ATP8A1: variants seen among roughly 807,000 people sequenced by gnomAD.
ATP8A1 encodes the protein phospholipid-transporting ATPase IA.
In ATP8A1, 90 loss-of-function variants were observed where a neutral mutation model predicts 177.7. The observed-to-expected ratio is 0.51, with a 90% confidence interval of 0.43 to 0.60. The LOEUF (loss-of-function observed/expected upper bound fraction) is 0.60. Ranked by LOEUF, ATP8A1 falls within the 20% of genes least tolerant of loss-of-function variation. ATP8A1 has a pLI of 0.00. For missense variants in ATP8A1, 1,072 were observed against 1,392.8 expected, an observed-to-expected ratio of 0.77 and a Z score of 3.67; for synonymous variants, 493 against 485.9, an observed-to-expected ratio of 1.01 and a Z score of -0.19.
chr4:42,537,156 CA>C (rs1474796204), intron 20 of ATP8A1, among the ~76,000 whole-genome samples: 1 of 149,042 alleles, frequency 6.7e-6, no homozygotes. Context: ...ACAAAAAAAC[CA>C]AAAAAACCCC....
chr4:42,601,280 C>T (rs1248909303), intron 5 of ATP8A1, among the ~76,000 whole-genome samples: 1 of 151,730 alleles, frequency 6.6e-6, no homozygotes, highest in Non-Finnish European at 1.5e-5. Context: ...AAGTGATCTG[C>T]CTGCCTCAGC....
At chr4:42,615,792 A>C (rs531807024) in intron 5 of ATP8A1, among the ~76,000 whole-genome samples, 44 of 152,222 alleles carry the variant, frequency 2.9e-4, no homozygotes, top group Non-Finnish European at 5.6e-4. Flanking sequence ...TTGAGAGACT[A>C]TTGCTATGAA....
chr4:42,485,582 C>G lies in ATP8A1; in HGVS notation c.2238G>C (p.Gly746=), dbSNP rs1376743645. 1.9e-6 allele frequency: 3 copies of G among 1,613,466 alleles called. No individual in the cohort carries two copies. In the Admixed American group the frequency reaches 5.0e-5, roughly 27 times the overall value. ...KENDFALIID[G]KTLKYALTFG... ...AGGTTAAGGCATATTTGAGGGTTTT[C>G]CCATCAATTATAAGAGCAAAATCAT... Residue 746 remains glycine, a synonymous_variant, in exon 25 of 37, where the codon GGG becomes GGC. Transcript: ENST00000381668.
intron 15 of ATP8A1, among the ~76,000 whole-genome samples, chr4:42,566,641 TA>T: frequency 6.6e-6 from 1 of 152,314 alleles, no homozygotes; most frequent in African/African-American, 2.4e-5. Flanking sequence ...TGAAAAATAT[TA>T]AATGAAAAAG....
intron 6 of ATP8A1, among the ~76,000 whole-genome samples, chr4:42,598,910 CTT>C (rs889163752): frequency 6.6e-6 from 1 of 152,102 alleles, no homozygotes; most frequent in African/African-American, 2.4e-5. Flanking sequence ...GGCTGGATGA[CTT>C]TTGGCAACAC....
chr4:42,641,953 T>C (rs1740035594), intron 1 of ATP8A1, among the ~76,000 whole-genome samples: 1 of 152,098 alleles, frequency 6.6e-6, no homozygotes, highest in Non-Finnish European at 1.5e-5. Context: ...CTTATCTCCA[T>C]TGTGACTTTG....
At chr4:42,433,766 T>G (rs1403374238) in intron 33 of ATP8A1, among the ~76,000 whole-genome samples, 3 of 151,838 alleles carry the variant, frequency 2.0e-5, no homozygotes, top group Non-Finnish European at 4.4e-5. Context: ...AAAGGGGTTA[T>G]CATCTCGTGG....
intron 27 of ATP8A1, among the ~76,000 whole-genome samples, chr4:42,461,928 G>T (rs1719206642): frequency 6.6e-6 from 1 of 152,136 alleles, no homozygotes; most frequent in Non-Finnish European, 1.5e-5. Flanking sequence ...GGCGACTCTT[G>T]GTATGTTTTA....
chr4:42,589,077 T>C (rs1228729547), intron 7 of ATP8A1, among the ~76,000 whole-genome samples: 1 of 152,148 alleles, frequency 6.6e-6, no homozygotes, highest in African/African-American at 2.4e-5. Flanking sequence ...AAATCTGGTG[T>C]GTGGCGGCTG....
chr4:42,459,558 G>A, intron 27 of ATP8A1: 1 of 323,192 alleles, frequency 3.1e-6, no homozygotes, highest in Non-Finnish European at 6.1e-6. Flanking sequence ...CATATAAATA[G>A]AAAAGCTAGA....
chr4:42,428,709 T>G (rs1714909464), intron 33 of ATP8A1, among the ~76,000 whole-genome samples: 1 of 152,160 alleles, frequency 6.6e-6, no homozygotes, highest in Non-Finnish European at 1.5e-5. Context: ...ACAAAATCTT[T>G]AATACAATTT....
chr4:42,589,232 C>G (rs1235306031), intron 7 of ATP8A1, among the ~76,000 whole-genome samples: 1 of 152,118 alleles, frequency 6.6e-6, no homozygotes, highest in Non-Finnish European at 1.5e-5. Flanking sequence ...ATCCTTAATT[C>G]TAAAGAAAAG....
chr4:42,458,826 T>A (rs1469223425), intron 27 of ATP8A1, among the ~76,000 whole-genome samples: 1 of 152,210 alleles, frequency 6.6e-6, no homozygotes, highest in Non-Finnish European at 1.5e-5. Context: ...TTCACATTCA[T>A]TTTCCTGATG....
At chr4:42,511,900 T>G (rs913119786) in intron 22 of ATP8A1, among the ~76,000 whole-genome samples, 3 of 152,160 alleles carry the variant, frequency 2.0e-5, no homozygotes, top group Non-Finnish European at 4.4e-5. Flanking sequence ...GGCTTCAGAT[T>G]ACAACATGGG....
At position 42,410,402 on chromosome 4, in the gene ATP8A1, C is replaced by CA. The variant is rs1360756948; in HGVS notation, c.*2513dup. 1.3e-5 allele frequency: 2 copies of CA among 152,074 alleles called. No individual in the cohort carries two copies. The highest frequency in any genetic ancestry group is 2.9e-5 in the Non-Finnish European group (2 of 67,952). The allele number at this position is 152,074 out of a possible 1,614,324, so 9.4% of individuals were successfully genotyped here. On this transcript the variant is annotated 3_prime_UTR_variant, in exon 37 of 37. Transcript: ENST00000381668. The stretch of plus-strand genomic sequence containing the variant: ...ATTGAAGAGTACGTGCCCTTTATTT[C>CA]AAAAAAACACATGTTAAAAGTCACA...
intron 5 of ATP8A1, among the ~76,000 whole-genome samples, chr4:42,611,504 A>G (rs1007673876): frequency 2.0e-5 from 3 of 152,224 alleles, no homozygotes; most frequent in Non-Finnish European, 2.9e-5. Flanking sequence ...GAATGTATAC[A>G]GACCATCGTC....
At chr4:42,639,839 C>T (rs1380752) in intron 1 of ATP8A1, among the ~76,000 whole-genome samples, 122,704 of 152,168 alleles carry the variant, frequency 0.81, 49,829 homozygotes, top group African/African-American at 0.88. Context: ...TGCTCAATTA[C>T]CTTATATAAA....
At chr4:42,480,688 C>T (rs981307749) in intron 25 of ATP8A1, among the ~76,000 whole-genome samples, 21 of 152,132 alleles carry the variant, frequency 1.4e-4, no homozygotes, top group Admixed American at 3.3e-4. Flanking sequence ...TATTCAGTGT[C>T]CCTTTAGACT....
At chr4:42,625,858 A>C (rs1042943900) in intron 2 of ATP8A1, 145 bp from the exon 3 acceptor site, 4 of 458,930 alleles carry the variant, frequency 8.7e-6, no homozygotes, top group African/African-American at 2.0e-5. Context: ...AAGGGTCATT[A>C]ACCTAAATGA....
Sources: gnomAD v4.1 joint callset for allele counts (sites outside exome capture counted in the v4.1 genomes callset) on GRCh38, gnomAD v4.1.1 for gene constraint, MANE v1.5 for transcripts, NCBI Gene and HGNC (gene_info 2026-07-23, HGNC 2026-07-21) for gene names.